CELF4: variants seen among roughly 807,000 people sequenced by gnomAD.
CELF4 encodes the protein CUGBP Elav-like family member 4.
A neutral mutation model predicts 59.9 loss-of-function variants in CELF4; 18 were observed. The observed-to-expected ratio is 0.30, with a 90% CI of 0.21 to 0.45. The LOEUF (loss-of-function observed/expected upper bound fraction) is 0.45, where lower values mean the gene tolerates loss of function less well. CELF4 is among the 20% of genes least tolerant of loss of function. The pLI is 1.00. For synonymous variants in CELF4, 261 were observed against 267.1 expected, an observed-to-expected ratio of 0.98 and a Z score of 0.22; for missense variants, 456 against 689.0, an observed-to-expected ratio of 0.66 and a Z score of 3.79.
At chr18:37,273,913 C>A in intron 6 of CELF4, 12 of 1,042,458 alleles carry the variant, frequency 1.2e-5, no homozygotes, top group Non-Finnish European at 1.4e-5. Flanking sequence ...CCAGGAGAGA[C>A]CAGAAGGCCT....
chr18:37,427,639 G>T (rs1285246888), intron 2 of CELF4, among the ~76,000 whole-genome samples: 2 of 152,124 alleles, frequency 1.3e-5, no homozygotes, highest in Non-Finnish European at 2.9e-5. Context: ...CCAGCTACAT[G>T]TGGAGACATC....
chr18:37,252,619 G>A (rs1194699556), intron 12 of CELF4, among the ~76,000 whole-genome samples: 3 of 150,878 alleles, frequency 2.0e-5, no homozygotes, highest in African/African-American at 7.3e-5. Flanking sequence ...TGTTCCCTCA[G>A]AGGCGGGGGC....
At chr18:37,548,023 G>A (rs1164135403) in intron 1 of CELF4, among the ~76,000 whole-genome samples, 1 of 152,046 alleles carries the variant, frequency 6.6e-6, no homozygotes, top group Non-Finnish European at 1.5e-5. Flanking sequence ...CTATTTCTGA[G>A]TGTGTTCCTA....
At chr18:37,258,144 G>A (rs181022122) in intron 11 of CELF4, among the ~76,000 whole-genome samples, 35 of 152,172 alleles carry the variant, frequency 2.3e-4, no homozygotes, top group African/African-American at 7.7e-4. Flanking sequence ...GGATGCTTTC[G>A]AGTTTTCCCT....
chr18:37,467,362 C>T (rs1325157836), intron 2 of CELF4, among the ~76,000 whole-genome samples: 1 of 152,162 alleles, frequency 6.6e-6, no homozygotes, highest in African/African-American at 2.4e-5. Flanking sequence ...CAGGCCATGT[C>T]TGGAACTCGG....
At chr18:37,565,001 C>G (rs1490722774) in intron 1 of CELF4, among the ~76,000 whole-genome samples, 1 of 152,062 alleles carries the variant, frequency 6.6e-6, no homozygotes, top group African/African-American at 2.4e-5. Context: ...AGTCCGTCCG[C>G]TCAGCGTCCT....
chr18:37,368,740 G>A (rs1171468732), intron 2 of CELF4, among the ~76,000 whole-genome samples: 1 of 152,222 alleles, frequency 6.6e-6, no homozygotes, highest in Non-Finnish European at 1.5e-5. Context: ...TTCCACACGA[G>A]TGAATGAGCC....
intron 1 of CELF4, among the ~76,000 whole-genome samples, chr18:37,516,888 T>G (rs1359660580): frequency 6.6e-6 from 1 of 152,196 alleles, no homozygotes; most frequent in Non-Finnish European, 1.5e-5. Context: ...CTCCCCATTT[T>G]AATACTTGAC....
chr18:37,259,013 G>A, intron 11 of CELF4, 168 bp downstream of exon 11: 1 of 966,586 alleles, frequency 1.0e-6, no homozygotes, highest in Non-Finnish European at 1.6e-6. Flanking sequence ...GAGCAGCTGG[G>A]GCGGGGGCAA....
chr18:37,356,449 G>A (rs1569567523), intron 2 of CELF4, among the ~76,000 whole-genome samples: 1 of 152,156 alleles, frequency 6.6e-6, no homozygotes, highest in Non-Finnish European at 1.5e-5. Context: ...GGAAAGGCCA[G>A]AGGTGCTGGG....
At chr18:37,339,693 G>T (rs2097917672) in intron 2 of CELF4, among the ~76,000 whole-genome samples, 1 of 151,478 alleles carries the variant, frequency 6.6e-6, no homozygotes. Flanking sequence ...GGTGGAGTTT[G>T]CAGTGAGCCG....
rs1262840820 is a variant in CELF4, at chr18:37,246,966, G to A, written c.*45-1769C>T. The A allele has an allele frequency of 6.6e-6, 1 of 152,114 alleles. No individual in the cohort carries two copies. The highest frequency in any genetic ancestry group is 2.4e-5 in the African/African-American group (1 of 41,488). 9.4% of individuals were successfully genotyped at this position (152,114 alleles called of 1,614,324 possible). On this transcript the variant is annotated intron_variant, in intron 12 of 12. Transcript: ENST00000420428. This position sits in a 1 kb window ranked among gnomAD's most constrained non-coding sequence, Gnocchi z 5.3. Reference sequence around the variant, plus strand: ...CCACTGCAAGCACCAAGAACGAAACGAAAATGAGCACAGCAAAAAAGATTG... The same window carrying A: ...CCACTGCAAGCACCAAGAACGAAACAAAAATGAGCACAGCAAAAAAGATTG...
At chr18:37,333,349 C>G (rs893975703) in intron 2 of CELF4, among the ~76,000 whole-genome samples, 1 of 151,484 alleles carries the variant, frequency 6.6e-6, no homozygotes, top group African/African-American at 2.4e-5. Context: ...CCTCTCCCCC[C>G]TCTCCCTCTT....
chr18:37,400,301 C>T (rs1286503497), intron 2 of CELF4, among the ~76,000 whole-genome samples: 1 of 144,468 alleles, frequency 6.9e-6, no homozygotes, highest in African/African-American at 2.6e-5. Context: ...TTCTAATAAA[C>T]CTTTATATAT....
chr18:37,391,281 A>G (rs1198392337), intron 2 of CELF4, among the ~76,000 whole-genome samples: 1 of 152,178 alleles, frequency 6.6e-6, no homozygotes, highest in African/African-American at 2.4e-5. Flanking sequence ...ACCATCTAGG[A>G]CACATGGACA....
intron 2 of CELF4, among the ~76,000 whole-genome samples, chr18:37,463,706 T>C (rs1056142483): frequency 6.6e-6 from 1 of 152,114 alleles, no homozygotes; most frequent in African/African-American, 2.4e-5. Context: ...CAATGACCAC[T>C]CTTATTGTCA....
intron 1 of CELF4, among the ~76,000 whole-genome samples, chr18:37,540,562 G>A (rs944146287): frequency 6.6e-6 from 1 of 152,202 alleles, no homozygotes; most frequent in Non-Finnish European, 1.5e-5. Flanking sequence ...CGTGGGGCAA[G>A]CTGGGTGGGA....
chr18:37,269,111 A>G (rs2079118397), intron 8 of CELF4, among the ~76,000 whole-genome samples: 1 of 152,078 alleles, frequency 6.6e-6, no homozygotes. Context: ...TGGGGATGCC[A>G]TCTCCCAGCC....
At chr18:37,460,100 C>G (rs534056295) in intron 2 of CELF4, among the ~76,000 whole-genome samples, 1 of 152,336 alleles carries the variant, frequency 6.6e-6, no homozygotes, top group East Asian at 1.9e-4. Flanking sequence ...ATCACTGGTG[C>G]TTCTTTGGGA....
Sources: allele counts gnomAD v4.1 joint callset (sites outside exome capture counted in the v4.1 genomes callset), GRCh38; gene constraint gnomAD v4.1.1; non-coding constraint Gnocchi (gnomAD v3.1); transcripts MANE v1.5; gene names NCBI Gene and HGNC (gene_info 2026-07-23, HGNC 2026-07-21).